The following XRN1 variants were observed in gnomAD, a reference collection of about 807,000 sequenced individuals.
XRN1 encodes 5'-3' exoribonuclease 1.
In XRN1, 67 loss-of-function variants were observed where a neutral mutation model predicts 222.3. The ratio of observed to expected loss-of-function variants is 0.30; its 90% confidence interval spans 0.25 to 0.37. The LOEUF (loss-of-function observed/expected upper bound fraction) is 0.37. Ranked by LOEUF, XRN1 falls within the 10% of genes least tolerant of loss-of-function variation. XRN1 has a pLI of 1.00. For missense variants in XRN1, 1,707 were observed against 2,000.2 expected, an observed-to-expected ratio of 0.85 and a Z score of 2.80; for synonymous variants, 643 against 652.4, an observed-to-expected ratio of 0.99 and a Z score of 0.22.
intron 37 of XRN1, among the ~76,000 whole-genome samples, chr3:142,324,332 G>A (rs562545976): frequency 2.1e-5 from 3 of 144,966 alleles, no homozygotes; most frequent in East Asian, 2.1e-4. Flanking sequence ...ACCTATGAGT[G>A]AGAACATGTT....
chr3:142,341,156 T>A (rs1324788108), intron 33 of XRN1, among the ~76,000 whole-genome samples: 1 of 152,134 alleles, frequency 6.6e-6, no homozygotes, highest in Non-Finnish European at 1.5e-5. Flanking sequence ...AGCAGGAGGA[T>A]GAAGTTAAAT....
At chr3:142,355,061 C>T (rs1347404009) in intron 32 of XRN1, among the ~76,000 whole-genome samples, 2 of 143,420 alleles carry the variant, frequency 1.4e-5, no homozygotes, top group Non-Finnish European at 3.0e-5. Flanking sequence ...ATAACAGACA[C>T]TGGGGGTTAC....
chr3:142,428,916 T>G (rs1173739902), intron 2 of XRN1, among the ~76,000 whole-genome samples: 1 of 152,104 alleles, frequency 6.6e-6, no homozygotes, highest in Non-Finnish European at 1.5e-5. Flanking sequence ...TCAAAGCCAT[T>G]GGATGAAATC....
At chr3:142,404,423 T>G (rs1013828617) in intron 16 of XRN1, among the ~76,000 whole-genome samples, 1 of 145,134 alleles carries the variant, frequency 6.9e-6, no homozygotes, top group African/African-American at 2.7e-5. Context: ...GGTAGATTAT[T>G]TGCAGGGAAG....
At chr3:142,334,425 A>C (rs1440648983) in intron 34 of XRN1, among the ~76,000 whole-genome samples, 2 of 151,982 alleles carry the variant, frequency 1.3e-5, no homozygotes, top group Non-Finnish European at 2.9e-5. Flanking sequence ...AAAAGTACAC[A>C]TCTAATAAAT....
chr3:142,396,239 TTGAA>T (rs977062313), intron 20 of XRN1, among the ~76,000 whole-genome samples: 20 of 152,194 alleles, frequency 1.3e-4, no homozygotes, highest in Non-Finnish European at 2.2e-4. Context: ...CCGAAGTACT[TTGAA>T]TGATTTTTTT....
At chr3:142,366,274 C>G (rs942092282) in intron 27 of XRN1, among the ~76,000 whole-genome samples, 1 of 152,136 alleles carries the variant, frequency 6.6e-6, no homozygotes, top group Non-Finnish European at 1.5e-5. Context: ...TGGCAGTCAC[C>G]TCTCTTTAGA....
intron 1 of XRN1, among the ~76,000 whole-genome samples, chr3:142,444,551 G>A (rs939684826): frequency 6.6e-6 from 1 of 152,206 alleles, no homozygotes; most frequent in East Asian, 1.9e-4. Flanking sequence ...AGGGGTTGCA[G>A]TGAGCCGAGA....
At chr3:142,409,060 T>C (rs1300230230) in intron 15 of XRN1, among the ~76,000 whole-genome samples, 2 of 152,250 alleles carry the variant, frequency 1.3e-5, no homozygotes, top group African/African-American at 4.8e-5. Flanking sequence ...TTAACTTGAG[T>C]TGGAGGAGCT....
At chr3:142,410,278 T>C (rs1160531218) in intron 15 of XRN1, among the ~76,000 whole-genome samples, 1 of 152,192 alleles carries the variant, frequency 6.6e-6, no homozygotes, top group Non-Finnish European at 1.5e-5. Context: ...GGATGTTTCC[T>C]GTTATCCTTG....
intron 25 of XRN1, 50 bp from the exon 26 acceptor site, chr3:142,371,378 G>A (rs748476992): frequency 1.9e-5 from 26 of 1,344,596 alleles, no homozygotes; most frequent in Middle Eastern, 2.0e-4. Flanking sequence ...GGTTAATTTC[G>A]GATAAACTTC....
intron 37 of XRN1, among the ~76,000 whole-genome samples, chr3:142,321,438 T>C (rs2065353797): frequency 6.6e-6 from 1 of 152,142 alleles, no homozygotes; most frequent in Non-Finnish European, 1.5e-5. Flanking sequence ...TCCAACTGAA[T>C]GGTCTTGACA....
chr3:142,337,194 T>G (rs1431680642), intron 33 of XRN1, among the ~76,000 whole-genome samples: 3 of 152,174 alleles, frequency 2.0e-5, no homozygotes, highest in Non-Finnish European at 2.9e-5. Context: ...CTGAGCCCTT[T>G]ATTAGGGTCT....
chr3:142,394,822 T>C (rs1225512627), intron 20 of XRN1, among the ~76,000 whole-genome samples: 1 of 152,212 alleles, frequency 6.6e-6, no homozygotes, highest in Non-Finnish European at 1.5e-5. Flanking sequence ...TACTGGTGAT[T>C]TTCATCAGAA....
Position 142,309,743 on chromosome 3 carries a change from A to T in XRN1, c.*1768T>A, listed in dbSNP as rs545734975. On this transcript the variant is annotated 3_prime_UTR_variant, in exon 41 of 41. Coordinates refer to ENST00000392981, the MANE Select transcript of XRN1 (RefSeq NM_001282857.2). ...GAGTAATGAGTGAGGCAAATTCTCA[A>T]TGCTGGAGTTTGTACAGCTGAGGTG... 6.6e-6 allele frequency: 1 copy of T among 152,244 alleles called. No individual in the cohort carries two copies. Among genetic ancestry groups the T allele is most frequent in the South Asian group, 2.1e-4 (1 of 4,832 alleles). The allele number at this position is 152,244 out of a possible 1,614,324, so 9.4% of individuals were successfully genotyped here.
Position 142,332,485 on chromosome 3 carries a change from G to T in XRN1, c.4112C>A (p.Thr1371Asn). The T allele has an allele frequency of 6.2e-7, 1 of 1,612,146 alleles. No homozygotes were observed. Among genetic ancestry groups the T allele is most frequent in the Non-Finnish European group, 8.5e-7 (1 of 1,179,348 alleles). ...TTTGATTTCATTCTTATGGTCCACA[G>T]TGTTAGAGCCATCAATTTTTAGAAT... Reference protein sequence around the residue: ...KEILKIDGSNTVDHKNEIKQI... With the variant: ...KEILKIDGSNNVDHKNEIKQI... Residue 1371 changes from threonine to asparagine, a missense_variant, in exon 36 of 41, where the codon ACT becomes AAT. Thr to Asn is a moderately conservative substitution (Grantham distance 65, BLOSUM62 0). Transcript: ENST00000392981.
Position 142,365,553 on chromosome 3 carries a change from T to C in XRN1, c.3205-187A>G, listed in dbSNP as rs144160897. On this transcript the variant is annotated intron_variant, in intron 27 of 40. Transcript: ENST00000392981. ...TATAAAATGCCTATAGCCTAAATCA[T>C]TATTTAAAAATTTTTTAAAGTAAAA... Among the ~76,000 whole-genome samples the C allele has an allele frequency of 4.9e-3, 744 of 152,202 alleles. 18 individuals carry two copies. Among genetic ancestry groups the C allele is most frequent in the Non-Finnish European group, 1.1e-3 (76 of 67,992 alleles).
At chr3:142,343,522 C>T (rs2066056914) in intron 33 of XRN1, among the ~76,000 whole-genome samples, 1 of 151,106 alleles carries the variant, frequency 6.6e-6, no homozygotes. Context: ...CAAATCAAAA[C>T]TATAATGAGA....
intron 20 of XRN1, among the ~76,000 whole-genome samples, chr3:142,395,421 C>T (rs565753957): frequency 2.6e-5 from 4 of 152,310 alleles, no homozygotes; most frequent in South Asian, 2.1e-4. Context: ...CTCGAGTGAA[C>T]GAGTATACAT....
Sources: gnomAD v4.1 joint callset for allele counts (sites outside exome capture counted in the v4.1 genomes callset) on GRCh38, gnomAD v4.1.1 for gene constraint, MANE v1.5 for transcripts, NCBI Gene and HGNC (gene_info 2026-07-23, HGNC 2026-07-21) for gene names.